The following TENM4 variants were observed in gnomAD, a reference collection of about 807,000 sequenced individuals.
TENM4 encodes the protein teneurin-4.
In TENM4, 82 loss-of-function variants were observed where a neutral mutation model predicts 243.3. The ratio of observed to expected loss-of-function variants is 0.34; its 90% confidence interval spans 0.28 to 0.40. The LOEUF is 0.40. Among genes scored for constraint, TENM4 ranks in the 10% least tolerant of loss-of-function variants. The pLI, the probability that TENM4 is intolerant of heterozygous loss-of-function variation, is 1.00. For missense variants in TENM4, 3,138 were observed against 3,673.3 expected, an observed-to-expected ratio of 0.85 and a Z score of 3.77; for synonymous variants, 1,412 against 1,456.3, an observed-to-expected ratio of 0.97 and a Z score of 0.69.
intron 2 of TENM4, among the ~76,000 whole-genome samples, chr11:79,238,980 G>C (rs970915083): frequency 6.6e-6 from 1 of 152,164 alleles, no homozygotes; most frequent in Non-Finnish European, 1.5e-5. Context: ...AGCCAAAATT[G>C]TGCCATTCCA....
intron 6 of TENM4, among the ~76,000 whole-genome samples, chr11:79,022,984 A>T (rs1249253325): frequency 6.6e-6 from 1 of 152,248 alleles, no homozygotes; most frequent in Non-Finnish European, 1.5e-5. Flanking sequence ...AGAGAAGTGA[A>T]GTAACCTGCC....
intron 4 of TENM4, among the ~76,000 whole-genome samples, chr11:79,115,262 T>C (rs1202872956): frequency 6.6e-6 from 1 of 152,052 alleles, no homozygotes. Context: ...GGTGGGACCA[T>C]AAATAAGAAG....
chr11:79,372,826 A>C (rs1233477699), intron 1 of TENM4, among the ~76,000 whole-genome samples: 6 of 152,148 alleles, frequency 3.9e-5, no homozygotes, highest in Non-Finnish European at 8.8e-5. Context: ...AGAGAACTAC[A>C]CATAAGGGAG....
In TENM4 at chr11:78,655,998, C is replaced by G. The variant is rs1857881187; in HGVS notation, c.*2060G>C. 6.6e-6 allele frequency: 1 copy of G among 152,240 alleles called. No homozygotes were observed. The highest frequency in any genetic ancestry group is 6.5e-5 in the Admixed American group (1 of 15,290). 9.4% of individuals were successfully genotyped at this position (152,240 alleles called of 1,614,324 possible). On this transcript the variant is annotated 3_prime_UTR_variant, in exon 34 of 34. Transcript: ENST00000278550. ...ACCAGTGGACAAGCAGGCCAAAGCGCACTGCTGCAGCAGGGTGGCTTTTTT... is the reference window on the plus strand; with the variant it reads ...ACCAGTGGACAAGCAGGCCAAAGCGGACTGCTGCAGCAGGGTGGCTTTTTT...
chr11:78,851,678 T>C (rs979990261), intron 12 of TENM4, among the ~76,000 whole-genome samples: 3 of 152,106 alleles, frequency 2.0e-5, no homozygotes, highest in Non-Finnish European at 4.4e-5. Context: ...TTGATGATCA[T>C]GTCCCTAAAC....
chr11:78,991,631 A>G (rs1035818982), intron 6 of TENM4, among the ~76,000 whole-genome samples: 57 of 152,276 alleles, frequency 3.7e-4, no homozygotes, highest in Middle Eastern at 3.4e-3. Context: ...GGTCTGTAGG[A>G]GGTTTCTAAA....
chr11:79,355,415 C>A (rs909404981), intron 1 of TENM4, among the ~76,000 whole-genome samples: 2 of 152,268 alleles, frequency 1.3e-5, no homozygotes, highest in Middle Eastern at 6.8e-3. Context: ...CACCTGTAAT[C>A]CCAGCTACTC....
chr11:79,142,816 A>C (rs1294347824), intron 4 of TENM4, among the ~76,000 whole-genome samples: 1 of 152,140 alleles, frequency 6.6e-6, no homozygotes, highest in African/African-American at 2.4e-5. Context: ...TAGAGAACTC[A>C]GAAACAAATC....
chr11:79,130,248 C>T (rs1330762032), intron 4 of TENM4, among the ~76,000 whole-genome samples: 1 of 152,070 alleles, frequency 6.6e-6, no homozygotes, highest in African/African-American at 2.4e-5. Flanking sequence ...AGCCTCCAGC[C>T]CAAGATCTTC....
intron 2 of TENM4, among the ~76,000 whole-genome samples, chr11:79,218,087 A>C (rs1404895215): frequency 6.6e-6 from 1 of 152,180 alleles, no homozygotes; most frequent in East Asian, 1.9e-4. Flanking sequence ...AATCCTTATA[A>C]ATCATTATAT....
At position 78,866,037 on chromosome 11, in the gene TENM4, C is replaced by CT. The variant is rs529362071; in HGVS notation, c.1085-2906dup. 2.6e-3 allele frequency among the ~76,000 whole-genome samples: 389 copies of CT among 152,290 alleles called. 3 individuals are homozygous for CT. The highest frequency in any genetic ancestry group is 8.6e-3 in the African/African-American group (359 of 41,558). ...ATAGTCACTGACATTTATTGAGCACCTTTTTTGGTACCAGGTACCAGGTGA... is the reference window on the plus strand; with the variant it reads ...ATAGTCACTGACATTTATTGAGCACCTTTTTTTGGTACCAGGTACCAGGTGA... On this transcript the variant is annotated intron_variant, in intron 9 of 33. Transcript: ENST00000278550.
intron 2 of TENM4, among the ~76,000 whole-genome samples, chr11:79,235,907 AT>A (rs1414111585): frequency 6.6e-6 from 1 of 151,690 alleles, no homozygotes; most frequent in Non-Finnish European, 1.5e-5. Context: ...GCTTGTTTAG[AT>A]GGATTCTTTC....
chr11:78,761,483 C>T (rs1170124755), intron 18 of TENM4, among the ~76,000 whole-genome samples: 2 of 152,150 alleles, frequency 1.3e-5, no homozygotes, highest in African/African-American at 4.8e-5. Context: ...TCGTGATCCA[C>T]CTGCCTCGGC....
intron 1 of TENM4, among the ~76,000 whole-genome samples, chr11:79,432,896 T>C (rs988423778): frequency 6.6e-6 from 1 of 152,192 alleles, no homozygotes; most frequent in African/African-American, 2.4e-5. Flanking sequence ...GGTGTGACCC[T>C]GGGCTCAGCC....
At chr11:79,009,843 C>T (rs1252347999) in intron 6 of TENM4, among the ~76,000 whole-genome samples, 3 of 152,112 alleles carry the variant, frequency 2.0e-5, no homozygotes, top group African/African-American at 4.8e-5. Flanking sequence ...CTCTGTGTCC[C>T]CACCCAAATC....
chr11:78,960,523 C>T (rs1175248841), intron 6 of TENM4, among the ~76,000 whole-genome samples: 3 of 152,304 alleles, frequency 2.0e-5, no homozygotes, highest in Non-Finnish European at 4.4e-5. Context: ...CACCTATTTA[C>T]AGCCCAGGCT....
intron 16 of TENM4, among the ~76,000 whole-genome samples, chr11:78,782,781 A>C (rs1029500239): frequency 6.6e-6 from 1 of 151,498 alleles, no homozygotes; most frequent in African/African-American, 2.4e-5. Flanking sequence ...TTAAAAAAAA[A>C]AAAACTGGAC....
chr11:78,886,457 C>T (rs1232978765), intron 9 of TENM4, among the ~76,000 whole-genome samples: 4 of 152,212 alleles, frequency 2.6e-5, no homozygotes, highest in Non-Finnish European at 5.9e-5. Flanking sequence ...AAGGCTGCTA[C>T]CCCCTAGCTT....
At chr11:78,791,552 C>G (rs1453358528) in intron 15 of TENM4, among the ~76,000 whole-genome samples, 1 of 152,184 alleles carries the variant, frequency 6.6e-6, no homozygotes, top group Non-Finnish European at 1.5e-5. Context: ...TGGGTGCTCC[C>G]TGTGTGCAAG....
Sources: allele counts gnomAD v4.1 joint callset (sites outside exome capture counted in the v4.1 genomes callset), GRCh38; gene constraint gnomAD v4.1.1; transcripts MANE v1.5; gene names NCBI Gene and HGNC (gene_info 2026-07-23, HGNC 2026-07-21).